KCNQ5: variants seen among roughly 807,000 people sequenced by gnomAD.
The protein encoded by KCNQ5 is potassium voltage-gated channel subfamily Q member 5.
A neutral mutation model predicts 98.2 loss-of-function variants in KCNQ5; 30 were observed. The ratio of observed to expected loss-of-function variants is 0.31; its 90% CI spans 0.23 to 0.41. The LOEUF (loss-of-function observed/expected upper bound fraction) is 0.41. Ranked by LOEUF, KCNQ5 falls within the 10% of genes least tolerant of loss-of-function variation. KCNQ5 has a pLI of 1.00. For missense variants in KCNQ5, 835 were observed against 1,182.5 expected (o/e 0.71, Z 4.31); for synonymous variants, 458 against 449.4 (o/e 1.02, Z -0.24).
chr6:72,710,493 A>G (rs543840835), intron 1 of KCNQ5, among the ~76,000 whole-genome samples: 1 of 152,236 alleles, frequency 6.6e-6, no homozygotes, highest in Non-Finnish European at 1.5e-5. Flanking sequence ...CAGGAATGGG[A>G]TAAATTATTA....
In KCNQ5 at chr6:72,881,801, C is replaced by T. The variant is rs181075844; in HGVS notation, c.399-122107C>T. Among the ~76,000 whole-genome samples the T allele has an allele frequency of 6.2e-3, 951 of 152,320 alleles. 11 individuals are homozygous for T. Among genetic ancestry groups the T allele is most frequent in the African/African-American group, 0.021 (886 of 41,568 alleles). On this transcript the variant is annotated intron_variant, in intron 1 of 13. Coordinates refer to ENST00000370398, the MANE Select transcript of KCNQ5 (RefSeq NM_019842.4). ...CCACCTCCTGGGTTCAAGTGATTTT[C>T]CTGCCTCAGCCTCCCAGGTAGCTGG...
In KCNQ5 at chr6:73,020,627, G is replaced by A. The variant is rs573470626; in HGVS notation, c.489+16629G>A. Among the ~76,000 whole-genome samples the A allele has an allele frequency of 2.9e-4, 44 of 152,208 alleles. 1 individual carries two copies. Among genetic ancestry groups the A allele is most frequent in the Middle Eastern group, 3.4e-3 (1 of 294 alleles). On this transcript the variant is annotated intron_variant, in intron 2 of 13. Coordinates refer to ENST00000370398, the MANE Select transcript of KCNQ5 (RefSeq NM_019842.4). ...TTCCCGTCCTTGGAGGTTGGGTGGT[G>A]GGATTAAAAGTCCCAACCCTCTAAC...
intron 1 of KCNQ5, among the ~76,000 whole-genome samples, chr6:72,715,573 C>T (rs1312015359): frequency 6.6e-6 from 1 of 152,110 alleles, no homozygotes. Flanking sequence ...CTGAAGTCAG[C>T]TCATGCCTTC....
intron 3 of KCNQ5, among the ~76,000 whole-genome samples, chr6:73,065,275 C>G (rs1318830599): frequency 6.6e-6 from 1 of 152,168 alleles, no homozygotes; most frequent in Non-Finnish European, 1.5e-5. Flanking sequence ...ACCAAAAACC[C>G]TGAAGTCAGC....
chr6:72,674,418 C>T (rs1767302145), intron 1 of KCNQ5, among the ~76,000 whole-genome samples: 1 of 152,010 alleles, frequency 6.6e-6, no homozygotes, highest in Non-Finnish European at 1.5e-5. Flanking sequence ...CACTAAAGAA[C>T]TTACTGTACC....
intron 1 of KCNQ5, among the ~76,000 whole-genome samples, chr6:72,863,455 C>A (rs1471099913): frequency 6.6e-6 from 1 of 152,104 alleles, no homozygotes; most frequent in Non-Finnish European, 1.5e-5. Context: ...TTTCAGATTC[C>A]TGTTTTTGCA....
At chr6:73,088,780 A>G (rs1158520420) in intron 5 of KCNQ5, among the ~76,000 whole-genome samples, 1 of 152,154 alleles carries the variant, frequency 6.6e-6, no homozygotes, top group Non-Finnish European at 1.5e-5. Context: ...GCTTTTATTT[A>G]TGGTGCAACC....
At chr6:73,140,692 A>G (rs918031508) in intron 10 of KCNQ5, among the ~76,000 whole-genome samples, 1 of 152,238 alleles carries the variant, frequency 6.6e-6, no homozygotes, top group African/African-American at 2.4e-5. Flanking sequence ...ATTTAACTCT[A>G]TATTCAGCGT....
chr6:73,008,129 A>G (rs916994122), intron 2 of KCNQ5, among the ~76,000 whole-genome samples: 1 of 152,098 alleles, frequency 6.6e-6, no homozygotes, highest in African/African-American at 2.4e-5. Context: ...GTGAGAAAGG[A>G]ATTCAAACAT....
At chr6:72,806,780 GT>G in intron 1 of KCNQ5, 1 of 449,560 alleles carries the variant, frequency 2.2e-6, no homozygotes, top group South Asian at 1.6e-5. Flanking sequence ...AGCCAAACCC[GT>G]TTTTGCTCCT....
At chr6:73,093,608 T>C (rs1774346189) in intron 5 of KCNQ5, among the ~76,000 whole-genome samples, 1 of 152,130 alleles carries the variant, frequency 6.6e-6, no homozygotes, top group South Asian at 2.1e-4. Context: ...TGTTGTGTCA[T>C]TGTTGCCATT....
At chr6:72,932,049 G>T (rs79604587) in intron 1 of KCNQ5, among the ~76,000 whole-genome samples, 1 of 152,176 alleles carries the variant, frequency 6.6e-6, no homozygotes, top group African/African-American at 2.4e-5. Context: ...GGGCAGAGGG[G>T]ATGTGGGGAG....
chr6:73,098,737 A>G (rs2150412599), intron 5 of KCNQ5, among the ~76,000 whole-genome samples: 1 of 152,322 alleles, frequency 6.6e-6, no homozygotes, highest in South Asian at 2.1e-4. Context: ...GACCTGTCCT[A>G]TAAGAAATGC....
At chr6:72,911,598 G>A (rs1053469774) in intron 1 of KCNQ5, among the ~76,000 whole-genome samples, 81 of 152,116 alleles carry the variant, frequency 5.3e-4, no homozygotes, top group African/African-American at 1.9e-3. Flanking sequence ...TTGGCAAATA[G>A]GAGATGACAA....
At chr6:72,843,948 T>C (rs1776912697) in intron 1 of KCNQ5, among the ~76,000 whole-genome samples, 1 of 151,788 alleles carries the variant, frequency 6.6e-6, no homozygotes, top group Non-Finnish European at 1.5e-5. Context: ...TATGTGGGAG[T>C]TGAACAATGA....
At chr6:73,047,001 G>A (rs1369771585) in intron 3 of KCNQ5, among the ~76,000 whole-genome samples, 1 of 152,164 alleles carries the variant, frequency 6.6e-6, no homozygotes, top group East Asian at 1.9e-4. Context: ...CTTTATAGAT[G>A]AGGAAGCAAG....
intron 5 of KCNQ5, among the ~76,000 whole-genome samples, chr6:73,104,991 C>A (rs1774943637): frequency 6.6e-6 from 1 of 152,136 alleles, no homozygotes; most frequent in South Asian, 2.1e-4. Flanking sequence ...GATGGTTATC[C>A]ACTTACTTAA....
intron 3 of KCNQ5, among the ~76,000 whole-genome samples, chr6:73,059,477 C>G (rs1246976785): frequency 6.6e-6 from 1 of 152,018 alleles, no homozygotes; most frequent in African/African-American, 2.4e-5. Flanking sequence ...TTTTTACCTG[C>G]GTGATGAAAT....
intron 1 of KCNQ5, among the ~76,000 whole-genome samples, chr6:72,781,293 TC>T (rs1277602127): frequency 2.0e-5 from 3 of 152,126 alleles, no homozygotes; most frequent in Admixed American, 6.6e-5. Context: ...GAAGAATTTG[TC>T]CCTAGAGTCT....
Sources: gnomAD v4.1 joint callset for allele counts (sites outside exome capture counted in the v4.1 genomes callset) on GRCh38, gnomAD v4.1.1 for gene constraint, MANE v1.5 for transcripts, NCBI Gene and HGNC (gene_info 2026-07-23, HGNC 2026-07-21) for gene names.